The following AFAP1 variants were observed in gnomAD, a reference collection of about 807,000 sequenced individuals.
AFAP1 encodes the protein actin filament associated protein 1.
AFAP1 carries 75 observed loss-of-function variants against 93.9 expected under a neutral mutation model. The ratio of observed to expected loss-of-function variants is 0.80; its 90% CI spans 0.66 to 0.97. AFAP1 has a LOEUF of 0.97. AFAP1 is among the 50% of genes least tolerant of loss of function. The pLI is 0.00. For missense variants in AFAP1, 1,201 were observed against 1,050.8 expected (o/e 1.14, Z -1.98); for synonymous variants, 517 against 430.7 (o/e 1.20, Z -2.48).
Position 7,775,004 on chromosome 4 carries a change from G to A in AFAP1, c.1898-101C>T, listed in dbSNP as rs571472021. 4.3e-6 allele frequency: 6 copies of A among 1,397,748 alleles called. No individual in the cohort carries two copies. In the Admixed American group the frequency reaches 6.2e-5, roughly 14 times the overall value. The allele number at this position is 1,397,748 out of a possible 1,614,324, so 86.6% of individuals were successfully genotyped here. A position where few individuals can be genotyped will look rare whatever the true frequency, so the allele number is the denominator to read the frequency against. On this transcript the variant is annotated intron_variant, in intron 14 of 17. Transcript: ENST00000420658. ...AAAAAATACAAAATTAGCCAGGCAT[G>A]GCGGCACATGCCTATAGTCCCAGCT...
At chr4:7,861,662 G>A (rs939588741) in intron 3 of AFAP1, among the ~76,000 whole-genome samples, 11 of 152,232 alleles carry the variant, frequency 7.2e-5, no homozygotes, top group Admixed American at 1.3e-4. Flanking sequence ...CCAGATGGAA[G>A]GCGAGGCAGC....
chr4:7,853,090 A>T (rs1324021030), intron 4 of AFAP1, among the ~76,000 whole-genome samples: 3 of 152,108 alleles, frequency 2.0e-5, no homozygotes, highest in African/African-American at 7.2e-5. Context: ...ACCAAAGATA[A>T]ACTGTGGTAG....
chr4:7,823,047 C>T (rs1282888963), intron 6 of AFAP1, among the ~76,000 whole-genome samples: 1 of 151,894 alleles, frequency 6.6e-6, no homozygotes, highest in African/African-American at 2.4e-5. Context: ...TAGAACTCAT[C>T]TTTCAAGATT....
rs963975907 is a variant in AFAP1 at position 7,855,586 on chromosome 4, A to C, written c.226-12T>G. 6 of 1,587,026 alleles carry C rather than the reference A, an allele frequency of 3.8e-6. No homozygotes were observed. The highest frequency in any genetic ancestry group is 4.3e-6 in the Non-Finnish European group (5 of 1,155,500). On this transcript the variant is annotated splice_polypyrimidine_tract_variant and intron_variant, in intron 3 of 17. Transcript: ENST00000420658. The stretch of plus-strand genomic sequence containing the variant: ...CCACTGTCAGGAGGCTGAGGAAGAA[A>C]GGAAAAGTGACACAGAAATTAGCAT...
At chr4:7,781,341 G>A (rs1470900387) in intron 13 of AFAP1, 35 bp downstream of exon 13, 13 of 1,545,230 alleles carry the variant, frequency 8.4e-6, no homozygotes, top group African/African-American at 1.4e-5. Context: ...TGACTTGAAG[G>A]TGGTTCTAGA....
At chr4:7,861,673 C>T (rs1715712373) in intron 3 of AFAP1, among the ~76,000 whole-genome samples, 1 of 152,216 alleles carries the variant, frequency 6.6e-6, no homozygotes, top group Non-Finnish European at 1.5e-5. Flanking sequence ...GCGAGGCAGC[C>T]CACCAGGGGC....
chr4:7,810,088 C>T (rs545422258), intron 8 of AFAP1, among the ~76,000 whole-genome samples: 1 of 152,328 alleles, frequency 6.6e-6, no homozygotes, highest in African/African-American at 2.4e-5. Flanking sequence ...GTCTCAAACT[C>T]CTGGACTCAA....
intron 10 of AFAP1, chr4:7,799,107 T>A: frequency 1.0e-6 from 1 of 985,018 alleles, no homozygotes; most frequent in Non-Finnish European, 1.2e-6. Flanking sequence ...TGTTTTACGG[T>A]GGGTAAAGAA....
intron 9 of AFAP1, among the ~76,000 whole-genome samples, chr4:7,805,253 T>C (rs931409178): frequency 6.6e-6 from 1 of 152,172 alleles, no homozygotes. Context: ...CGTATCTAGC[T>C]TTCCTGAATA....
At chr4:7,881,786 A>G (rs1305917681) in intron 1 of AFAP1, among the ~76,000 whole-genome samples, 1 of 151,958 alleles carries the variant, frequency 6.6e-6, no homozygotes, top group African/African-American at 2.4e-5. Flanking sequence ...ATCTCAAAAA[A>G]AAAAAAGAAA....
intron 1 of AFAP1, among the ~76,000 whole-genome samples, chr4:7,901,721 G>T (rs1719126938): frequency 6.6e-6 from 1 of 152,218 alleles, no homozygotes; most frequent in Non-Finnish European, 1.5e-5. Flanking sequence ...TGTGGACAGG[G>T]GGCTGAACTG....
chr4:7,886,801 G>A (rs1718164657), intron 1 of AFAP1, among the ~76,000 whole-genome samples: 1 of 152,172 alleles, frequency 6.6e-6, no homozygotes, highest in Non-Finnish European at 1.5e-5. Context: ...GCTGGGAGAA[G>A]GTTATTGACA....
chr4:7,764,955 A>T (rs531036608), intron 17 of AFAP1, among the ~76,000 whole-genome samples: 1 of 152,000 alleles, frequency 6.6e-6, no homozygotes, highest in Non-Finnish European at 1.5e-5. Flanking sequence ...AAAATACAAA[A>T]ATTAGCTGGG....
At chr4:7,854,247 G>A (rs1714783900) in intron 4 of AFAP1, among the ~76,000 whole-genome samples, 1 of 152,088 alleles carries the variant, frequency 6.6e-6, no homozygotes, top group African/African-American at 2.4e-5. Flanking sequence ...TCTCAAAATC[G>A]AAAAATCCAT....
chr4:7,860,386 C>CT (rs983648169), intron 3 of AFAP1, among the ~76,000 whole-genome samples: 7 of 152,162 alleles, frequency 4.6e-5, no homozygotes, highest in South Asian at 2.1e-4. Context: ...AAATCCAAAA[C>CT]TTTTTTTAGC....
intron 1 of AFAP1, among the ~76,000 whole-genome samples, chr4:7,900,848 G>A (rs188759255): frequency 2.0e-5 from 3 of 152,154 alleles, no homozygotes; most frequent in Admixed American, 1.3e-4. Context: ...GAGGAAGCAC[G>A]ACTAATCATT....
At chr4:7,790,456 C>A (rs1717762527) in intron 11 of AFAP1, among the ~76,000 whole-genome samples, 1 of 152,164 alleles carries the variant, frequency 6.6e-6, no homozygotes, top group Non-Finnish European at 1.5e-5. Flanking sequence ...AAGCTGTATT[C>A]TAGGGCAACG....
rs1715638656 is a variant in AFAP1, at chr4:7,772,936, G to A, written c.2137C>T (p.Arg713Cys). 1.2e-6 allele frequency: 2 copies of A among 1,613,710 alleles called. No individual in the cohort carries two copies. Among genetic ancestry groups the A allele is most frequent in the South Asian group, 1.1e-5 (1 of 91,084 alleles). Residue 713 changes from arginine to cysteine, a missense_variant, in exon 16 of 18, where the codon CGT (arginine) becomes TGT (cysteine). By Grantham distance (180) the Arg-to-Cys change is radical. Transcript: ENST00000420658. Reference protein sequence around the residue: ...EEECRQKEAERVSLELELTEV... With the variant: ...EEECRQKEAECVSLELELTEV... The stretch of plus-strand genomic sequence containing the variant: ...GTCAGCTCCAGCTCCAGGCTGACAC[G>A]CTCCGCCTCCTTCTGCCGGCACTCC...
intron 2 of AFAP1, among the ~76,000 whole-genome samples, chr4:7,869,099 G>A (rs1716775488): frequency 7.1e-6 from 1 of 141,744 alleles, no homozygotes; most frequent in Non-Finnish European, 1.5e-5. Flanking sequence ...AAGAAAAAGA[G>A]AAAGGGAAAG....
Sources: gnomAD v4.1 joint callset for allele counts (sites outside exome capture counted in the v4.1 genomes callset) on GRCh38, gnomAD v4.1.1 for gene constraint, MANE v1.5 for transcripts, NCBI Gene and HGNC (gene_info 2026-07-23, HGNC 2026-07-21) for gene names.